SUGCT: variants seen among roughly 807,000 people sequenced by gnomAD.
SUGCT encodes succinyl-CoA:glutarate CoA-transferase.
Under a neutral mutation model 55.0 loss-of-function variants are expected in SUGCT, and 41 were observed. That is an observed-to-expected ratio of 0.74 (90% CI 0.58 to 0.97). SUGCT has a LOEUF of 0.97. Among genes scored for constraint, SUGCT ranks in the 50% least tolerant of loss-of-function variants. The probability of loss-of-function intolerance (pLI) is 0.00; values close to 1 mark genes in which losing one functional copy is unlikely to be tolerated. For missense variants in SUGCT, 568 were observed against 547.8 expected, an observed-to-expected ratio of 1.04 and a Z score of -0.37; for synonymous variants, 187 against 200.4, an observed-to-expected ratio of 0.93 and a Z score of 0.56.
At chr7:40,588,153 C>T (rs913143799) in intron 12 of SUGCT, among the ~76,000 whole-genome samples, 3 of 151,968 alleles carry the variant, frequency 2.0e-5, no homozygotes, top group African/African-American at 7.2e-5. Context: ...CTGCCCGCCT[C>T]GGCCTCCCAA....
At chr7:40,569,140 G>A (rs150079963) in intron 12 of SUGCT, among the ~76,000 whole-genome samples, 277 of 152,310 alleles carry the variant, frequency 1.8e-3, no homozygotes, top group Non-Finnish European at 2.9e-3. Flanking sequence ...CCAAGGACTT[G>A]TAAGTCAATT....
intron 7 of SUGCT, among the ~76,000 whole-genome samples, chr7:40,266,975 C>T (rs1791620758): frequency 6.6e-6 from 1 of 150,730 alleles, no homozygotes; most frequent in Non-Finnish European, 1.5e-5. Flanking sequence ...GAGATCATGC[C>T]ACTGCACTGC....
At chr7:40,164,335 G>T (rs1237241149) in intron 1 of SUGCT, among the ~76,000 whole-genome samples, 1 of 152,072 alleles carries the variant, frequency 6.6e-6, no homozygotes, top group Admixed American at 6.6e-5. Context: ...TCACCATATT[G>T]GCCAAGCTGG....
At chr7:40,657,497 C>T (rs905034220) in intron 12 of SUGCT, among the ~76,000 whole-genome samples, 21 of 138,584 alleles carry the variant, frequency 1.5e-4, no homozygotes, top group Middle Eastern at 3.7e-3. Context: ...AATTAGTAAT[C>T]TCGTGAGGTA....
chr7:40,935,047 A>G, the SUGCT span, among the ~76,000 whole-genome samples: 2 of 152,186 alleles, frequency 1.3e-5, no homozygotes, highest in African/African-American at 2.4e-5. Flanking sequence ...CCATTTGGCC[A>G]TCTTGGAATG....
chr7:40,918,335 C>T, the SUGCT span, among the ~76,000 whole-genome samples: 2 of 151,566 alleles, frequency 1.3e-5, no homozygotes, highest in Admixed American at 6.6e-5. Context: ...GTGGCGTGTG[C>T]TTGTAATCCC....
At chr7:40,143,213 C>G (rs1211512915) in intron 1 of SUGCT, among the ~76,000 whole-genome samples, 1 of 152,174 alleles carries the variant, frequency 6.6e-6, no homozygotes, top group Non-Finnish European at 1.5e-5. Context: ...CCTCCATAAT[C>G]CCACCATACA....
the SUGCT span, among the ~76,000 whole-genome samples, chr7:40,995,660 G>C: frequency 0.85 from 129,239 of 151,562 alleles, 55,067 homozygotes; most frequent in Admixed American, 0.87. Context: ...GTCTATTTTC[G>C]TATCATCATC....
At chr7:40,187,283 C>T (rs766652656) in intron 3 of SUGCT, among the ~76,000 whole-genome samples, 10 of 151,862 alleles carry the variant, frequency 6.6e-5, no homozygotes, top group African/African-American at 1.9e-4. Flanking sequence ...CGGGGCCTGT[C>T]GTGGGGTGTG....
intron 1 of SUGCT, among the ~76,000 whole-genome samples, chr7:40,162,780 C>A (rs1204455341): frequency 1.3e-5 from 2 of 152,206 alleles, no homozygotes; most frequent in Admixed American, 6.5e-5. Context: ...AGTCACCTCG[C>A]CCAGCCCTTA....
At chr7:40,810,424 C>T (rs1791350035) in intron 13 of SUGCT, among the ~76,000 whole-genome samples, 3 of 152,128 alleles carry the variant, frequency 2.0e-5, no homozygotes, top group African/African-American at 7.2e-5. Context: ...GCCTCACCAG[C>T]ATCTGTTGTT....
At chr7:40,592,748 A>G (rs1797797385) in intron 12 of SUGCT, among the ~76,000 whole-genome samples, 1 of 152,186 alleles carries the variant, frequency 6.6e-6, no homozygotes, top group South Asian at 2.1e-4. Flanking sequence ...TACCAAAACA[A>G]AAAAAGAGGT....
chr7:40,834,210 G>T (rs1792841490), intron 13 of SUGCT, among the ~76,000 whole-genome samples: 1 of 144,584 alleles, frequency 6.9e-6, no homozygotes, highest in Non-Finnish European at 1.5e-5. Context: ...CTAAATAGTT[G>T]AACTGACTTG....
chr7:40,155,152 GC>G (rs1783820933), intron 1 of SUGCT, among the ~76,000 whole-genome samples: 1 of 152,094 alleles, frequency 6.6e-6, no homozygotes, highest in Non-Finnish European at 1.5e-5. Flanking sequence ...GGGTGTAGTG[GC>G]GCATGCCTGT....
intron 9 of SUGCT, among the ~76,000 whole-genome samples, chr7:40,352,963 G>A (rs1255729130): frequency 2.6e-5 from 4 of 152,008 alleles, no homozygotes; most frequent in African/African-American, 9.7e-5. Context: ...TTTAATAATA[G>A]GCATTCTGAC....
chr7:40,497,167 G>T (rs1484838984), intron 12 of SUGCT, among the ~76,000 whole-genome samples: 1 of 152,096 alleles, frequency 6.6e-6, no homozygotes, highest in Non-Finnish European at 1.5e-5. Context: ...TTATTCAACT[G>T]TCTTGTCAGT....
the SUGCT span, among the ~76,000 whole-genome samples, chr7:40,950,689 G>T: frequency 2.6e-5 from 4 of 152,106 alleles, no homozygotes; most frequent in Non-Finnish European, 5.9e-5. Context: ...TTCGTCAAAG[G>T]CCTTTTCTGT....
At chr7:40,137,325 A>G (rs891395902) in intron 1 of SUGCT, among the ~76,000 whole-genome samples, 30 of 151,762 alleles carry the variant, frequency 2.0e-4, no homozygotes, top group African/African-American at 6.3e-4. Context: ...TTGTAGAGAC[A>G]GGGTCTTGCT....
At chr7:40,900,203 C>G in the SUGCT span, among the ~76,000 whole-genome samples, 17,317 of 152,316 alleles carry the variant, frequency 0.11, 1,237 homozygotes, top group East Asian at 0.18. Flanking sequence ...ATCATCTTGT[C>G]ATTCAATGCC....
Sources: allele counts gnomAD v4.1 joint callset (sites outside exome capture counted in the v4.1 genomes callset), GRCh38; gene constraint gnomAD v4.1.1; transcripts MANE v1.5; gene names NCBI Gene and HGNC (gene_info 2026-07-23, HGNC 2026-07-21).